SLC49A3: variants seen among roughly 807,000 people sequenced by gnomAD.
The protein encoded by SLC49A3 is solute carrier family 49 member A3.
Under a neutral mutation model 43.8 loss-of-function variants are expected in SLC49A3, and 50 were observed. That is an observed-to-expected ratio of 1.14 (90% CI 0.91 to 1.45). SLC49A3 has a LOEUF of 1.45. Ranked by LOEUF, SLC49A3 falls within the 40% of genes most tolerant of loss-of-function variation. The pLI, the probability that SLC49A3 is intolerant of heterozygous loss-of-function variation, is 0.00. For missense variants in SLC49A3, 906 were observed against 774.1 expected, an observed-to-expected ratio of 1.17 and a Z score of -2.02; for synonymous variants, 413 against 352.0, an observed-to-expected ratio of 1.17 and a Z score of -1.94.
downstream of SLC49A3, chr4:679,300 G>A (rs887586104): frequency 1.0e-5 from 4 of 383,148 alleles, no homozygotes; most frequent in African/African-American, 9.7e-5. Flanking sequence ...GCTCCAGGGA[G>A]GGGCTGACTC....
downstream of SLC49A3, chr4:678,831 G>A: frequency 6.2e-7 from 1 of 1,607,326 alleles, no homozygotes; most frequent in Non-Finnish European, 8.5e-7. Flanking sequence ...GACCCCATGT[G>A]GGCTGGCTCC....
In SLC49A3 at chr4:682,096, C is replaced by A; in HGVS notation, c.1542G>T (p.Ala514=). The change falls in exon 10 of 10, where the codon GCG becomes GCT. Residue 514 remains alanine, a synonymous_variant. Coordinates refer to ENST00000322224, the MANE Select transcript of SLC49A3 (RefSeq NM_032219.4). ...CTGCTGGGCCTTGCGCACGGGGAGT[C>A]GCTCGGTGGCAGGCTGGGTGGGGGC... is the stretch of plus-strand genomic sequence containing the variant. ...PGSPHPACHR[A]TPRAQGPAAT... is the part of the protein sequence containing the mutation. The A allele has an allele frequency of 1.4e-6, 2 of 1,380,338 alleles. No homozygotes were observed. Among genetic ancestry groups the A allele is most frequent in the Non-Finnish European group, 1.9e-6 (2 of 1,055,640 alleles). The allele number at this position is 1,380,338 out of a possible 1,614,324, so 85.5% of individuals were successfully genotyped here. A position where few individuals can be genotyped will look rare whatever the true frequency, so the allele number is the denominator to read the frequency against.
intron 1 of SLC49A3, chr4:687,953 G>T (rs1445077603): frequency 6.6e-6 from 1 of 152,254 alleles, no homozygotes; most frequent in Non-Finnish European, 1.5e-5. Flanking sequence ...GACTCTTGGT[G>T]TCAGGGTGAG....
Position 682,079 on chromosome 4 carries a change from C to A in SLC49A3, c.1559G>T (p.Gly520Val). ...GGAGGGCGCGTCGGTGGCTGCTGGG[C>A]CTTGCGCACGGGGAGTCGCTCGGTG... ...ACHRATPRAQ[G>V]PAATDAPSRP... Residue 520 changes from glycine to valine, a missense_variant, in exon 10 of 10, where the codon GGC becomes GTC. Coordinates refer to ENST00000322224, the MANE Select transcript of SLC49A3 (RefSeq NM_032219.4). 1 of 1,403,546 alleles carries A rather than the reference C, an allele frequency of 7.1e-7. No homozygotes were observed. Among genetic ancestry groups the A allele is most frequent in the Non-Finnish European group, 9.4e-7 (1 of 1,067,566 alleles). 86.9% of individuals were successfully genotyped at this position (1,403,546 alleles called of 1,614,324 possible).
In SLC49A3 at chr4:682,823, A is replaced by G. The variant is rs1560164479; in HGVS notation, c.1219T>C (p.Leu407=). The G allele has an allele frequency of 5.0e-6, 8 of 1,603,652 alleles. No homozygotes were observed. Among genetic ancestry groups the G allele is most frequent in the Non-Finnish European group, 6.8e-6 (8 of 1,173,830 alleles). ...TCCTCCCCCTGCTGGCAGGTGGACA[A>G]GGACGGCTCCGAGCGTCGCACAGTC... is the stretch of plus-strand genomic sequence containing the variant. ...ALTVRRSEPS[L]STCQQGEDPL... Residue 407 remains leucine (L), a synonymous_variant, in exon 9 of 10, where the codon TTG becomes CTG. Coordinates refer to ENST00000322224, the MANE Select transcript of SLC49A3 (RefSeq NM_032219.4).
chr4:679,889 T>C (rs374786013), downstream of SLC49A3: 26 of 1,605,190 alleles, frequency 1.6e-5, no homozygotes, highest in Non-Finnish European at 2.1e-5. Flanking sequence ...AGCCCTGCCC[T>C]GTGATGCCCC....
In SLC49A3 at chr4:684,831, C is replaced by A; in HGVS notation, c.611G>T (p.Gly204Val). The change falls in exon 5 of 10, where the codon GGC becomes GTC. Residue 204 changes from glycine to valine, a missense_variant. Physicochemically the swap from Gly to Val is moderately radical, Grantham distance 109. Transcript: ENST00000322224. The part of the protein sequence containing the change: ...LMLGVYTIPA[G>V]VVCLLSTICL... ...GATGGTGGACAGCAGGCAGACGACG[C>A]CAGCAGGGATGGTATAGACACCGAG... 6.2e-7 allele frequency: 1 copy of A among 1,612,452 alleles called. No homozygotes were observed. Among genetic ancestry groups the A allele is most frequent in the Non-Finnish European group, 8.5e-7 (1 of 1,179,872 alleles).
Position 683,320 on chromosome 4 carries a change from C to T in SLC49A3, c.1041G>A (p.Ser347=), listed in dbSNP as rs770538725. 5.0e-6 allele frequency: 8 copies of T among 1,612,516 alleles called. No homozygotes were observed. Among genetic ancestry groups the T allele is most frequent in the Non-Finnish European group, 5.1e-6 (6 of 1,179,754 alleles). Reference sequence around the variant, plus strand: ...CCGAGAAGCCAAACAGCCCGAGCAGCGAGCAGGTGGCAGCCAGGGCAAGGG... The same window carrying T: ...CCGAGAAGCCAAACAGCCCGAGCAGTGAGCAGGTGGCAGCCAGGGCAAGGG... ...GQTLALAATC[S]LLGLFGFSVG... is the part of the protein sequence containing the mutation. Residue 347 remains serine, a synonymous_variant, in exon 8 of 10, where the codon TCG becomes TCA. Transcript: ENST00000322224.
In SLC49A3 at chr4:681,975, G is replaced by A; in HGVS notation, c.1663C>T (p.Pro555Ser). The A allele has an allele frequency of 1.4e-6, 2 of 1,397,710 alleles. No homozygotes were observed. Among genetic ancestry groups the A allele is most frequent in the Non-Finnish European group, 1.9e-6 (2 of 1,062,288 alleles). The allele number at this position is 1,397,710 out of a possible 1,614,324, so 86.6% of individuals were successfully genotyped here. The change falls in exon 10 of 10, where the codon CCG becomes TCG. Residue 555 changes from proline to serine, a missense_variant. Pro to Ser is a moderately conservative substitution (Grantham distance 74, BLOSUM62 -1). Transcript: ENST00000322224. ...GCGCTCAGCTACGTGATCACCCACG[G>A]GGAGGAGAAGGAGGAGTGAGACCCA... ...PAGSHSSFSS[P>S]WVIT
chr4:680,042 G>T, downstream of SLC49A3: 1 of 1,559,152 alleles, frequency 6.4e-7, no homozygotes, highest in South Asian at 1.1e-5. Flanking sequence ...GGGCAGGCCT[G>T]GCCCTCCTAG....
downstream of SLC49A3, chr4:678,191 T>G: frequency 6.6e-7 from 1 of 1,525,996 alleles, no homozygotes; most frequent in Non-Finnish European, 8.8e-7. Context: ...AGCGTGTGTA[T>G]GTGCGTGTGT....
chr4:687,585 G>C (rs1316965076), intron 1 of SLC49A3, among the ~76,000 whole-genome samples: 3 of 152,244 alleles, frequency 2.0e-5, no homozygotes, highest in African/African-American at 7.2e-5. Context: ...CCTCAGCCCT[G>C]TCCTGGTTCC....
downstream of SLC49A3, among the ~76,000 whole-genome samples, chr4:680,264 C>T (rs1304595775): frequency 6.6e-6 from 1 of 152,154 alleles, no homozygotes; most frequent in Non-Finnish European, 1.5e-5. Flanking sequence ...CAGCACTCAC[C>T]CCCAGCTCCA....
downstream of SLC49A3, chr4:681,211 G>A (rs1739455588): frequency 5.2e-6 from 8 of 1,540,738 alleles, no homozygotes; most frequent in Non-Finnish European, 7.0e-6. Context: ...TGGGTGGAGG[G>A]GGACGCGGAG....
At chr4:679,071 G>A, downstream of SLC49A3, 4 of 1,558,704 alleles carry the variant, frequency 2.6e-6, no homozygotes, top group Non-Finnish European at 3.5e-6. Context: ...GCCCTTGGAG[G>A]AGGCGAACAC....
chr4:678,714 A>AT, downstream of SLC49A3: 2 of 1,612,394 alleles, frequency 1.2e-6, no homozygotes, highest in South Asian at 2.2e-5. Flanking sequence ...AGAGAGCCTC[A>AT]TCCAATGTCT....
rs1004131832 is a variant in SLC49A3 at position 682,242 on chromosome 4, C to T, written c.1396G>A (p.Asp466Asn). ...CCTCGGTCCACACCCGGCCCTGAGT[C>T]TGCGCCGCCCACGGCGTTACGGGTG... ...PSTRNAVGGA[D>N]SGPGVDRGGA... Residue 466 changes from aspartate (D) to asparagine (N), a missense_variant, in exon 10 of 10, where the codon GAC becomes AAC. By Grantham distance (23) the Asp-to-Asn change is conservative. Transcript: ENST00000322224. 5.1e-6 allele frequency: 7 copies of T among 1,379,054 alleles called. No homozygotes were observed. Among genetic ancestry groups the T allele is most frequent in the Non-Finnish European group, 6.6e-6 (7 of 1,055,432 alleles). The allele number at this position is 1,379,054 out of a possible 1,614,324, so 85.4% of individuals were successfully genotyped here.
At chr4:688,385 C>T (rs560792593) in intron 1 of SLC49A3, among the ~76,000 whole-genome samples, 84 of 152,274 alleles carry the variant, frequency 5.5e-4, no homozygotes, top group African/African-American at 1.3e-3. Flanking sequence ...TGACCATCCC[C>T]GTGACCTGGC....
In SLC49A3 at chr4:683,296, C is replaced by T. The variant is rs772531062; in HGVS notation, c.1065G>A (p.Ser355=). 11 of 1,612,574 alleles carry T rather than the reference C, an allele frequency of 6.8e-6. No homozygotes were observed. The highest frequency in any genetic ancestry group is 2.2e-5 in the East Asian group (1 of 44,888). Residue 355 remains serine (S), a synonymous_variant, in exon 8 of 10, where the codon TCG becomes TCA. Transcript: ENST00000322224. ...CCAACTCCATGGCCACGGGGCCCAC[C>T]GAGAAGCCAAACAGCCCGAGCAGCG... is the stretch of plus-strand genomic sequence containing the variant. ...TCSLLGLFGF[S]VGPVAMELAV...
Sources: gnomAD v4.1 joint callset for allele counts (sites outside exome capture counted in the v4.1 genomes callset) on GRCh38, gnomAD v4.1.1 for gene constraint, MANE v1.5 for transcripts, NCBI Gene and HGNC (gene_info 2026-07-23, HGNC 2026-07-21) for gene names.